The following OPCML variants were observed in gnomAD, a reference collection of about 807,000 sequenced individuals.
OPCML encodes opioid-binding protein/cell adhesion molecule.
Under a neutral mutation model 37.8 loss-of-function variants are expected in OPCML, and 13 were observed. The ratio of observed to expected loss-of-function variants is 0.34; its 90% CI spans 0.22 to 0.55. OPCML has a LOEUF of 0.55. Among genes scored for constraint, OPCML ranks in the 20% least tolerant of loss-of-function variants. OPCML has a pLI of 0.91. For synonymous variants in OPCML, 176 were observed against 168.8 expected (o/e 1.04, Z -0.33); for missense variants, 341 against 435.6 (o/e 0.78, Z 1.93).
At chr11:133,058,394 G>C (rs1948278481) in intron 1 of OPCML, among the ~76,000 whole-genome samples, 3 of 152,218 alleles carry the variant, frequency 2.0e-5, no homozygotes, top group Non-Finnish European at 4.4e-5. Flanking sequence ...CATGTTTGCA[G>C]ACTGGGGCGG....
intron 7 of OPCML, among the ~76,000 whole-genome samples, chr11:132,423,080 T>C (rs1279906164): frequency 6.6e-6 from 1 of 152,180 alleles, no homozygotes; most frequent in East Asian, 1.9e-4. Flanking sequence ...AGTTGGTGAG[T>C]AGCCAGACAG....
At chr11:132,689,773 T>A (rs1943325360) in intron 2 of OPCML, among the ~76,000 whole-genome samples, 1 of 152,214 alleles carries the variant, frequency 6.6e-6, no homozygotes, top group Admixed American at 6.5e-5. Flanking sequence ...AGGATCTTTA[T>A]CTCATGAAAT....
intron 1 of OPCML, among the ~76,000 whole-genome samples, chr11:133,119,084 G>A (rs190641531): frequency 7.0e-4 from 107 of 152,136 alleles, no homozygotes; most frequent in Non-Finnish European, 1.2e-3. Flanking sequence ...CCAGCGCTTG[G>A]CAAGTTTTTT....
chr11:133,050,279 T>C (rs934345110), intron 1 of OPCML, among the ~76,000 whole-genome samples: 3 of 152,328 alleles, frequency 2.0e-5, no homozygotes, highest in African/African-American at 7.2e-5. Flanking sequence ...AACCATTCCT[T>C]GCAGTAACTT....
chr11:133,289,622 A>T (rs1047133387), intron 1 of OPCML, among the ~76,000 whole-genome samples: 6 of 149,844 alleles, frequency 4.0e-5, no homozygotes, highest in Admixed American at 6.6e-5. Context: ...AAAAAAATTG[A>T]CATATTAGTT....
intron 1 of OPCML, among the ~76,000 whole-genome samples, chr11:133,525,075 G>C (rs961142111): frequency 6.6e-6 from 1 of 152,206 alleles, no homozygotes; most frequent in African/African-American, 2.4e-5. Flanking sequence ...TATAAACAAT[G>C]GTCTAGGGAG....
chr11:132,907,764 G>A (rs1023852920), intron 2 of OPCML, among the ~76,000 whole-genome samples: 10 of 151,960 alleles, frequency 6.6e-5, no homozygotes, highest in East Asian at 1.9e-4. Flanking sequence ...TTTGCTCATC[G>A]ATGCTCCAAA....
intron 3 of OPCML, among the ~76,000 whole-genome samples, chr11:132,650,745 G>T (rs956280661): frequency 2.6e-5 from 4 of 152,138 alleles, no homozygotes; most frequent in Admixed American, 1.3e-4. Flanking sequence ...TTTAGGAGCC[G>T]AGCGCAGGGC....
rs546776305 is a variant in OPCML at position 132,738,208 on chromosome 11, C to T, written c.147-80889G>A. Among the ~76,000 whole-genome samples the T allele has an allele frequency of 3.9e-5, 6 of 152,318 alleles. No individual in the cohort carries two copies. The South Asian group carries it at 1.2e-3, about 32-fold the overall frequency. ...TTACCTGTATTTGAATAATGAAGAACTAGTGAAGCCAGGATCCAAACCTCA... is the reference window on the plus strand; with the variant it reads ...TTACCTGTATTTGAATAATGAAGAATTAGTGAAGCCAGGATCCAAACCTCA... On this transcript the variant is annotated intron_variant, in intron 2 of 7. Transcript: ENST00000524381.
intron 1 of OPCML, among the ~76,000 whole-genome samples, chr11:133,224,404 G>A (rs1373723525): frequency 2.6e-5 from 4 of 152,220 alleles, no homozygotes; most frequent in Non-Finnish European, 2.9e-5. Context: ...AGGGCAGCTG[G>A]TGGGCTTGTT....
chr11:133,508,905 G>T (rs1948096019), intron 1 of OPCML, among the ~76,000 whole-genome samples: 2 of 152,216 alleles, frequency 1.3e-5, no homozygotes, highest in Admixed American at 1.3e-4. Flanking sequence ...GAGCGACAGG[G>T]CCTGTGCTTC....
intron 4 of OPCML, among the ~76,000 whole-genome samples, chr11:132,470,206 G>T (rs1048626219): frequency 3.9e-5 from 6 of 152,122 alleles, no homozygotes. Flanking sequence ...GGGCATGTTT[G>T]TAGTTAAGGC....
intron 1 of OPCML, among the ~76,000 whole-genome samples, chr11:133,372,456 G>C (rs1413922062): frequency 1.3e-5 from 2 of 152,080 alleles, no homozygotes; most frequent in African/African-American, 4.8e-5. Flanking sequence ...GTTGTAGTGA[G>C]GATTAAATGA....
chr11:132,552,797 C>T (rs1006280005), intron 3 of OPCML, among the ~76,000 whole-genome samples: 10 of 57,758 alleles, frequency 1.7e-4, no homozygotes, highest in Admixed American at 3.1e-4. Context: ...AGTGGAGTCT[C>T]GCTCTGTCTC....
intron 1 of OPCML, among the ~76,000 whole-genome samples, chr11:133,458,769 G>A (rs571262284): frequency 2.1e-4 from 4 of 19,348 alleles, no homozygotes; most frequent in African/African-American, 4.0e-4. Flanking sequence ...ATAGATGCAC[G>A]TGTGTGTATA....
chr11:133,102,448 T>G (rs1205015408), intron 1 of OPCML, among the ~76,000 whole-genome samples: 2 of 152,114 alleles, frequency 1.3e-5, no homozygotes, highest in African/African-American at 4.8e-5. Context: ...AAATGCATTC[T>G]CAAAAACTAG....
chr11:132,738,166 C>A (rs1196151178), intron 2 of OPCML, among the ~76,000 whole-genome samples: 4 of 152,182 alleles, frequency 2.6e-5, no homozygotes, highest in African/African-American at 9.7e-5. Flanking sequence ...GAGACATGGG[C>A]TGAGAAGCTA....
At chr11:133,091,576 T>G (rs747963029) in intron 1 of OPCML, among the ~76,000 whole-genome samples, 1 of 152,226 alleles carries the variant, frequency 6.6e-6, no homozygotes, top group Non-Finnish European at 1.5e-5. Context: ...AGAAGATTAC[T>G]CACAAACTTG....
At chr11:133,521,170 C>T (rs1177838504) in intron 1 of OPCML, among the ~76,000 whole-genome samples, 2 of 152,202 alleles carry the variant, frequency 1.3e-5, no homozygotes, top group Admixed American at 6.5e-5. Flanking sequence ...CATCGGGCTC[C>T]TCTCCTGACC....
Sources: allele counts gnomAD v4.1 joint callset (sites outside exome capture counted in the v4.1 genomes callset), GRCh38; gene constraint gnomAD v4.1.1; transcripts MANE v1.5; gene names NCBI Gene and HGNC (gene_info 2026-07-23, HGNC 2026-07-21).